ZNFX1: variants seen among roughly 807,000 people sequenced by gnomAD.
ZNFX1 encodes NFX1-type zinc finger-containing protein 1.
ZNFX1 carries 78 observed loss-of-function variants against 179.8 expected under a neutral mutation model. That is an observed-to-expected ratio of 0.43 (90% CI 0.36 to 0.52). The LOEUF is 0.52. ZNFX1 is among the 20% of genes least tolerant of loss of function. ZNFX1 has a pLI of 0.00. For missense variants in ZNFX1, 1,927 were observed against 2,386.6 expected (o/e 0.81, Z 4.01); for synonymous variants, 848 against 868.5 (o/e 0.98, Z 0.42).
intron 10 of ZNFX1, among the ~76,000 whole-genome samples, 195 bp from the exon 11 acceptor site, chr20:49,254,006 G>A (rs1980906690): frequency 6.8e-6 from 1 of 147,282 alleles, no homozygotes; most frequent in African/African-American, 2.5e-5. Context: ...CCCAGCAGGA[G>A]AAAGTGAGTG....
chr20:49,259,293 C>T (rs1981058093), intron 7 of ZNFX1, among the ~76,000 whole-genome samples: 1 of 151,958 alleles, frequency 6.6e-6, no homozygotes, highest in Non-Finnish European at 1.5e-5. Context: ...AGAAAACTGA[C>T]AAATTTTTTG....
At chr20:49,259,450 CTA>C (rs1039783158) in intron 7 of ZNFX1, among the ~76,000 whole-genome samples, 9 of 149,790 alleles carry the variant, frequency 6.0e-5, no homozygotes, top group Admixed American at 2.7e-4. Context: ...TTTTTTGAGA[CTA>C]TGTCTGTCAC....
Position 49,269,985 on chromosome 20 carries a change from A to G in ZNFX1, c.1827T>C (p.Ala609=), listed in dbSNP as rs1212059921. Residue 609 remains alanine (A), a synonymous_variant, in exon 3 of 14, where the codon GCT becomes GCC. Coordinates refer to ENST00000396105, the MANE Select transcript of ZNFX1 (RefSeq NM_021035.3). ...DDSQMEALQF[A]LTRELAIIQG... Reference sequence around the variant, plus strand: ...GAATAATAGCCAGTTCCCTTGTGAGAGCAAACTGCAAGGCTTCCATCTGGG... The same window carrying G: ...GAATAATAGCCAGTTCCCTTGTGAGGGCAAACTGCAAGGCTTCCATCTGGG... 1.2e-6 allele frequency: 2 copies of G among 1,613,180 alleles called. No individual in the cohort carries two copies. The highest frequency in any genetic ancestry group is 1.1e-5 in the South Asian group (1 of 91,052).
At chr20:49,251,024 C>T (rs1261409458) in intron 13 of ZNFX1, among the ~76,000 whole-genome samples, 1 of 149,878 alleles carries the variant, frequency 6.7e-6, no homozygotes, top group African/African-American at 2.5e-5. Flanking sequence ...TCTTATATAA[C>T]TTGCTTAAGG....
intron 11 of ZNFX1, 38 bp from the exon 12 acceptor site, chr20:49,252,868 A>G: frequency 6.6e-6 from 10 of 1,508,482 alleles, no homozygotes; most frequent in Non-Finnish European, 9.2e-6. Flanking sequence ...CTCTACTGAT[A>G]AAGTCATTTA....
In ZNFX1 at chr20:49,271,209, G is replaced by A. The variant is rs756708852; in HGVS notation, c.603C>T (p.Arg201=). The A allele has an allele frequency of 1.9e-6, 3 of 1,614,022 alleles. No homozygotes were observed. In the African/African-American group the frequency reaches 4.0e-5, roughly 22 times the overall value. Residue 201 remains arginine (R), a synonymous_variant, in exon 3 of 14, where the codon CGC becomes CGT. Transcript: ENST00000396105. ...LRKACSSKMD[R]QSVLHVLGIL... ...TGCCCAGTACATGGAGAACACTCTG[G>A]CGATCCATTTTGGAGCTACAAGCCT...
chr20:49,253,304 A>C (rs1980889187), intron 11 of ZNFX1, among the ~76,000 whole-genome samples: 1 of 152,160 alleles, frequency 6.6e-6, no homozygotes, highest in Non-Finnish European at 1.5e-5. Context: ...AAGTGATATT[A>C]TCTATCTACC....
intron 2 of ZNFX1, among the ~76,000 whole-genome samples, chr20:49,274,350 G>A (rs1408945392): frequency 6.6e-6 from 1 of 152,152 alleles, no homozygotes; most frequent in Non-Finnish European, 1.5e-5. Flanking sequence ...AATTATTAAA[G>A]TATGATAATA....
At chr20:49,264,485 C>T (rs183295331) in intron 5 of ZNFX1, among the ~76,000 whole-genome samples, 2 of 152,148 alleles carry the variant, frequency 1.3e-5, no homozygotes, top group Admixed American at 6.5e-5. Context: ...GGGGAAGGAG[C>T]GTTAAGGTAG....
intron 7 of ZNFX1, among the ~76,000 whole-genome samples, chr20:49,258,224 TAGTTGGCATTAC>T (rs1019339209): frequency 6.0e-5 from 9 of 150,728 alleles, no homozygotes; most frequent in Admixed American, 4.0e-4. Flanking sequence ...GCCTCCCGAG[TAGTTGGCATTAC>T]AGGCATGCAC....
At position 49,252,764 on chromosome 20, in the gene ZNFX1, G is replaced by A. The variant is rs1163134643; in HGVS notation, c.3172C>T (p.Arg1058Trp). The A allele has an allele frequency of 4.3e-6, 7 of 1,614,050 alleles. No homozygotes were observed. The highest frequency in any genetic ancestry group is 1.3e-5 in the African/African-American group (1 of 75,018). The part of the protein sequence containing the change: ...NFNLEVSLFE[R>W]LVKVNIPFVR... Reference sequence around the variant, plus strand: ...AAGGGAATGTTTACTTTCACTAGCCGTTCAAAAAGGGACACCTCAAGGTTG... The same window carrying A: ...AAGGGAATGTTTACTTTCACTAGCCATTCAAAAAGGGACACCTCAAGGTTG... The change falls in exon 12 of 14, where the codon CGG (arginine) becomes TGG (tryptophan). Residue 1058 changes from arginine (R) to tryptophan (W), a missense_variant. Transcript: ENST00000396105.
chr20:49,269,962 A>G lies in ZNFX1; in HGVS notation c.1850T>C (p.Ile617Thr), dbSNP rs1320117914. 6.2e-7 allele frequency: 1 copy of G among 1,607,240 alleles called. No homozygotes were observed. The highest frequency in any genetic ancestry group is 1.7e-5 in the Admixed American group (1 of 57,884). Residue 617 changes from isoleucine (I) to threonine (T), a missense_variant, in exon 3 of 14, where the codon ATT (isoleucine) becomes ACT (threonine). By Grantham distance (89) the Ile-to-Thr change is moderately conservative. Transcript: ENST00000396105. ...CTTACCTGTTCCAGGAGGTCCTTGA[A>G]TAATAGCCAGTTCCCTTGTGAGAGC... is the stretch of plus-strand genomic sequence containing the variant. ...QFALTRELAI[I>T]QGPPGTGKTY...
In ZNFX1 at chr20:49,270,779, C is replaced by T. The variant is rs766741434; in HGVS notation, c.1033G>A (p.Val345Met). 4 of 1,614,022 alleles carry T rather than the reference C, an allele frequency of 2.5e-6. No individual in the cohort carries two copies. The South Asian group carries it at 3.3e-5, about 13-fold the overall frequency. The stretch of plus-strand genomic sequence containing the variant: ...AGGAAGGGCCTCTCATCCAAGTGCA[C>T]TTCATTGTAGGTAGGGTAAATGGGC... Reference protein sequence around the residue: ...TMPIYPTYNEVHLDERPFLRP... With the variant: ...TMPIYPTYNEMHLDERPFLRP... Residue 345 changes from valine (V) to methionine (M), a missense_variant, in exon 3 of 14, where the codon GTG (valine) becomes ATG (methionine). Val to Met is a conservative substitution (Grantham distance 21). Transcript: ENST00000396105. The surrounding 1 kb of genome is among the most constrained non-coding windows in gnomAD (Gnocchi z 4.6).
intron 9 of ZNFX1, 63 bp downstream of exon 9, chr20:49,255,745 A>G: frequency 6.5e-7 from 1 of 1,530,380 alleles, no homozygotes. Context: ...TTGGAGGTGG[A>G]GAATGTTCTA....
intron 3 of ZNFX1, among the ~76,000 whole-genome samples, chr20:49,268,437 C>T (rs1408561558): frequency 6.6e-6 from 1 of 152,144 alleles, no homozygotes. Flanking sequence ...TGAGCAGCTA[C>T]TTTATAAACA....
chr20:49,253,581 C>T (rs956022547), intron 11 of ZNFX1, 85 bp downstream of exon 11: 2 of 1,531,378 alleles, frequency 1.3e-6, no homozygotes, highest in South Asian at 1.2e-5. Flanking sequence ...AGCTTGAGGA[C>T]TGTTGAAGCA....
rs1980747742 is a variant in ZNFX1 at position 49,248,734 on chromosome 20, C to T, written c.4290G>A (p.Lys1430=). 6.2e-7 allele frequency: 1 copy of T among 1,613,194 alleles called. No individual in the cohort carries two copies. The highest frequency in any genetic ancestry group is 1.6e-4 in the Middle Eastern group (1 of 6,062). ...AGATAGTGCCACACTTTGTGGTACACTTGACTAGCAGACCACCATACAGGA... is the reference window on the plus strand; with the variant it reads ...AGATAGTGCCACACTTTGTGGTACATTTGACTAGCAGACCACCATACAGGA... The part of the protein sequence containing the change: ...EGLLYGGLLV[K]CTTKCGTILD... Residue 1430 remains lysine, a synonymous_variant, in exon 14 of 14, where the codon AAG becomes AAA. Coordinates refer to ENST00000396105, the MANE Select transcript of ZNFX1 (RefSeq NM_021035.3). This position sits in a 1 kb window ranked among gnomAD's most constrained non-coding sequence, Gnocchi z 4.6.
rs554138574 is a variant in ZNFX1 at position 49,246,616 on chromosome 20, C to G, written c.*651G>C. Reference sequence around the variant, plus strand: ...TGCATCAATGAGCTCATACTCTGTTCCTGGGGAACAATGTAGAATAAACAT... The same window carrying G: ...TGCATCAATGAGCTCATACTCTGTTGCTGGGGAACAATGTAGAATAAACAT... On this transcript the variant is annotated 3_prime_UTR_variant, in exon 14 of 14. Coordinates refer to ENST00000396105, the MANE Select transcript of ZNFX1 (RefSeq NM_021035.3). 9.4e-6 allele frequency: 3 copies of G among 320,602 alleles called. No homozygotes were observed. Among genetic ancestry groups the G allele is most frequent in the African/African-American group, 6.7e-5 (3 of 45,100 alleles). The allele number at this position is 320,602 out of a possible 1,614,324, so 19.9% of individuals were successfully genotyped here.
chr20:49,261,153 G>A (rs1346779876), intron 6 of ZNFX1, among the ~76,000 whole-genome samples: 2 of 152,138 alleles, frequency 1.3e-5, no homozygotes, highest in African/African-American at 2.4e-5. Flanking sequence ...AGGACTGCTT[G>A]AGCCCAGGAG....
Sources: gnomAD v4.1 joint callset for allele counts (sites outside exome capture counted in the v4.1 genomes callset) on GRCh38, gnomAD v4.1.1 for gene constraint, Gnocchi (gnomAD v3.1) non-coding constraint, MANE v1.5 for transcripts, NCBI Gene and HGNC (gene_info 2026-07-23, HGNC 2026-07-21) for gene names.